The following MACROH2A1 variants were observed in gnomAD, a reference collection of about 807,000 sequenced individuals.
MACROH2A1 encodes core histone macro-H2A.1.
MACROH2A1 carries 2 observed loss-of-function variants against 31.6 expected under a neutral mutation model. The observed-to-expected ratio is 0.06, with a 90% confidence interval of 0.03 to 0.20. The LOEUF (loss-of-function observed/expected upper bound fraction) is 0.20. Ranked by LOEUF, MACROH2A1 falls within the 10% of genes least tolerant of loss-of-function variation. The probability of loss-of-function intolerance (pLI) is 1.00; values close to 1 mark genes in which losing one functional copy is unlikely to be tolerated. For missense variants in MACROH2A1, 230 were observed against 474.0 expected (o/e 0.49, Z 4.78); for synonymous variants, 169 against 189.6 (o/e 0.89, Z 0.89).
chr5:135,345,923 T>G (rs750731138), intron 7 of MACROH2A1, 45 bp downstream of exon 7: 43 of 1,281,474 alleles, frequency 3.4e-5, no homozygotes, highest in Non-Finnish European at 4.8e-5. Context: ...TTCCTAATAC[T>G]GCATGTGTCA....
At chr5:135,372,052 C>A (rs3822372) in intron 2 of MACROH2A1, among the ~76,000 whole-genome samples, 2,736 of 152,158 alleles carry the variant, frequency 0.018, 70 homozygotes, top group Admixed American at 0.069. Flanking sequence ...GGGGCAGGGG[C>A]GGGAGGAGAT....
intron 7 of MACROH2A1, chr5:135,344,757 T>TCAAGAACAAAAGTGTTATTGAAAC (rs1229600407): frequency 6.6e-6 from 1 of 152,250 alleles, no homozygotes; most frequent in Non-Finnish European, 1.5e-5. Context: ...GCCCTTAAAA[T>TCAAGAACAAAAGTGTTATTGAAAC]CAAGAACAAA....
intron 1 of MACROH2A1, among the ~76,000 whole-genome samples, chr5:135,391,528 T>C (rs1767239774): frequency 6.6e-6 from 1 of 152,226 alleles, no homozygotes; most frequent in African/African-American, 2.4e-5. Context: ...CCTCTGACTC[T>C]AGCTGAGTCT....
intron 2 of MACROH2A1, among the ~76,000 whole-genome samples, chr5:135,380,513 C>T (rs1358504361): frequency 2.0e-5 from 3 of 152,194 alleles, no homozygotes; most frequent in Non-Finnish European, 4.4e-5. Context: ...CACTTGGGTT[C>T]CGTAGCAGGC....
rs368150650 is a variant in MACROH2A1 at position 135,338,018 on chromosome 5, C to T, written c.954-2877G>A. On this transcript the variant is annotated intron_variant, in intron 8 of 8. Transcript: ENST00000511689. Reference sequence around the variant, plus strand: ...TGCCAGGAAGGAATGGCGGAGGTAACGGCTTTCCTAACGTTTTCTGGTGGG... The same window carrying T: ...TGCCAGGAAGGAATGGCGGAGGTAATGGCTTTCCTAACGTTTTCTGGTGGG... 332 of 1,167,164 alleles carry T rather than the reference C, an allele frequency of 2.8e-4. 1 individual carries two copies. Among genetic ancestry groups the T allele is most frequent in the Middle Eastern group, 9.4e-4 (4 of 4,234 alleles). 72.3% of individuals were successfully genotyped at this position (1,167,164 alleles called of 1,614,324 possible). A position where few individuals can be genotyped will look rare whatever the true frequency, so the allele number is the denominator to read the frequency against.
At chr5:135,363,432 C>A (rs918167168) in intron 4 of MACROH2A1, among the ~76,000 whole-genome samples, 1 of 152,222 alleles carries the variant, frequency 6.6e-6, no homozygotes, top group African/African-American at 2.4e-5. Flanking sequence ...ACATTCAAAT[C>A]ATAGCAACTA....
intron 8 of MACROH2A1, among the ~76,000 whole-genome samples, chr5:135,342,640 G>C (rs376043093): frequency 3.9e-5 from 6 of 152,284 alleles, no homozygotes; most frequent in African/African-American, 1.4e-4. Flanking sequence ...GATTTTCTGG[G>C]ACAGGAAGTG....
Position 135,369,316 on chromosome 5 carries a change from C to A in MACROH2A1, c.477+90G>T. 9.7e-7 allele frequency: 1 copy of A among 1,033,116 alleles called. No homozygotes were observed. Among genetic ancestry groups the A allele is most frequent in the Non-Finnish European group, 1.5e-6 (1 of 660,178 alleles). 64.0% of individuals were successfully genotyped at this position (1,033,116 alleles called of 1,614,324 possible). A position where few individuals can be genotyped will look rare whatever the true frequency, so the allele number is the denominator to read the frequency against. On this transcript the variant is annotated intron_variant, in intron 4 of 8. Coordinates refer to ENST00000511689, the MANE Select transcript of MACROH2A1 (RefSeq NM_138610.3). The surrounding 1 kb of genome is among the most constrained non-coding windows in gnomAD (Gnocchi z 4.3). ...TTATTCTCCCATCAGTGGGATGAGC[C>A]CACAGGGGGAATGAGGGGGGTGCCC...
At chr5:135,383,700 GGTGTGTGTGT>G (rs61338247) in intron 2 of MACROH2A1, among the ~76,000 whole-genome samples, 2,050 of 137,198 alleles carry the variant, frequency 0.015, 30 homozygotes, top group African/African-American at 0.039. Flanking sequence ...GATGTGGTGT[GGTGTGTGTGT>G]GTGTGTGTGT....
chr5:135,387,661 C>A (rs1766603013), intron 2 of MACROH2A1, among the ~76,000 whole-genome samples: 1 of 152,170 alleles, frequency 6.6e-6, no homozygotes, highest in Non-Finnish European at 1.5e-5. Context: ...CAACCCCTTG[C>A]AGGCTGTATA....
chr5:135,387,298 G>A (rs1244825571), intron 2 of MACROH2A1, among the ~76,000 whole-genome samples: 2 of 152,196 alleles, frequency 1.3e-5, no homozygotes, highest in East Asian at 3.8e-4. Flanking sequence ...CAGAAAGTCA[G>A]AAGTCCCAAA....
At chr5:135,383,700 GGTGTGTGTGTGTGTGTGTGTGTGTGTGT>G (rs61338247) in intron 2 of MACROH2A1, among the ~76,000 whole-genome samples, 24 of 137,224 alleles carry the variant, frequency 1.7e-4, no homozygotes, top group South Asian at 2.4e-4. Flanking sequence ...GATGTGGTGT[GGTGTGTGTGTGTGTGTGTGTGTGTGTGT>G]GTGTGTGTGT....
intron 4 of MACROH2A1, 88 bp from the exon 5 acceptor site, chr5:135,360,695 C>A: frequency 1.1e-6 from 1 of 914,826 alleles, no homozygotes; most frequent in Non-Finnish European, 1.8e-6. Context: ...CCCATAACAC[C>A]CAAGGGGAAA....
At chr5:135,349,158 G>C (rs1417421466) in intron 6 of MACROH2A1, among the ~76,000 whole-genome samples, 1 of 152,148 alleles carries the variant, frequency 6.6e-6, no homozygotes, top group African/African-American at 2.4e-5. Flanking sequence ...CCCTGGACCT[G>C]GGTAAGATAC....
chr5:135,359,394 A>G, intron 5 of MACROH2A1: 1 of 985,136 alleles, frequency 1.0e-6, no homozygotes, highest in Non-Finnish European at 1.2e-6. Flanking sequence ...AAAATATTTT[A>G]AAACAAAAAC....
chr5:135,379,620 C>T (rs1381790966), intron 2 of MACROH2A1, among the ~76,000 whole-genome samples: 8 of 152,136 alleles, frequency 5.3e-5, no homozygotes, highest in Non-Finnish European at 1.2e-4. Context: ...TAGAAGCCTT[C>T]AGGCAGGAGA....
chr5:135,337,802 T>TA, intron 8 of MACROH2A1: 2 of 257,922 alleles, frequency 7.8e-6, no homozygotes, highest in Non-Finnish European at 1.2e-5. Flanking sequence ...GTCCCGTTAA[T>TA]AGAGAGCAGA....
At chr5:135,364,471 T>C (rs1254505387) in intron 4 of MACROH2A1, among the ~76,000 whole-genome samples, 2 of 152,218 alleles carry the variant, frequency 1.3e-5, no homozygotes, top group African/African-American at 4.8e-5. Context: ...TACTAAGTGG[T>C]AGATTATTTT....
At chr5:135,389,999 G>A (rs1239771331) in intron 1 of MACROH2A1, among the ~76,000 whole-genome samples, 15 of 152,208 alleles carry the variant, frequency 9.9e-5, no homozygotes, top group Admixed American at 9.8e-4. Context: ...GATAGAACCA[G>A]GACTCTTGGC....
Sources: allele counts gnomAD v4.1 joint callset (sites outside exome capture counted in the v4.1 genomes callset), GRCh38; gene constraint gnomAD v4.1.1; non-coding constraint Gnocchi (gnomAD v3.1); transcripts MANE v1.5; gene names NCBI Gene and HGNC (gene_info 2026-07-23, HGNC 2026-07-21).